Variants in SYNE2 observed in about 807,000 individuals in gnomAD.
SYNE2 encodes spectrin repeat containing nuclear envelope protein 2, also known as nesprin-2.
SYNE2 carries 431 observed loss-of-function variants against 856.3 expected under a neutral mutation model. The observed-to-expected ratio is 0.50, with a 90% confidence interval of 0.47 to 0.55. SYNE2 has a LOEUF of 0.55. SYNE2 is among the 20% of genes least tolerant of loss of function. SYNE2 has a pLI of 0.00. For missense variants in SYNE2, 8,129 were observed against 8,023.2 expected, an observed-to-expected ratio of 1.01 and a Z score of -0.50; for synonymous variants, 2,923 against 2,872.3, an observed-to-expected ratio of 1.02 and a Z score of -0.56.
intron 1 of SYNE2, among the ~76,000 whole-genome samples, chr14:63,808,959 GT>G (rs1228766182): frequency 3.3e-5 from 5 of 152,078 alleles, no homozygotes; most frequent in Non-Finnish European, 7.4e-5. Context: ...GATGGCAGAG[GT>G]TGCAGTGAGC....
chr14:63,932,792 C>T (rs1477459405), intron 2 of SYNE2, among the ~76,000 whole-genome samples: 4 of 152,176 alleles, frequency 2.6e-5, no homozygotes, highest in Admixed American at 2.0e-4. Flanking sequence ...GTGCTGGGTG[C>T]CGGCGTTTCT....
At chr14:64,053,809 C>CAA in intron 48 of SYNE2, 152 bp downstream of exon 48, 4 of 604,568 alleles carry the variant, frequency 6.6e-6, no homozygotes, top group East Asian at 6.4e-5. Context: ...ACTAAAAATA[C>CAA]AAAAAAAAAA....
At chr14:63,956,678 T>C (rs1472015335) in intron 8 of SYNE2, among the ~76,000 whole-genome samples, 1 of 152,196 alleles carries the variant, frequency 6.6e-6, no homozygotes, top group Non-Finnish European at 1.5e-5. Context: ...CAACACTGGA[T>C]TGAAAATATT....
At chr14:63,882,045 A>G (rs2094877850) in intron 1 of SYNE2, among the ~76,000 whole-genome samples, 1 of 152,156 alleles carries the variant, frequency 6.6e-6, no homozygotes, top group Admixed American at 6.5e-5. Flanking sequence ...CTTTGTGTGA[A>G]TTATTTGAGC....
rs1470872320 is a variant in SYNE2 at position 64,218,702 on chromosome 14, T to C, written c.19657+190T>C. 2.6e-5 allele frequency among the ~76,000 whole-genome samples: 4 copies of C among 152,230 alleles called. No homozygotes were observed. The East Asian group carries it at 7.7e-4, about 29-fold the overall frequency. On this transcript the variant is annotated intron_variant, in intron 109 of 115. Coordinates refer to ENST00000555002, the MANE Select transcript of SYNE2 (RefSeq NM_182914.3). Reference sequence around the variant, plus strand: ...GAACAAATTCCTAGGCTGTTCAGTGTAATTTGAAAACTATTCTTTAAATGT... The same window carrying C: ...GAACAAATTCCTAGGCTGTTCAGTGCAATTTGAAAACTATTCTTTAAATGT...
chr14:64,114,520 TC>T (rs2097840051), intron 66 of SYNE2, among the ~76,000 whole-genome samples: 1 of 152,080 alleles, frequency 6.6e-6, no homozygotes, highest in South Asian at 2.1e-4. Flanking sequence ...TTGTGCATTC[TC>T]CCCTTCTATG....
intron 57 of SYNE2, among the ~76,000 whole-genome samples, chr14:64,082,927 C>G (rs2097535172): frequency 6.6e-6 from 1 of 152,182 alleles, no homozygotes; most frequent in Non-Finnish European, 1.5e-5. Context: ...GAGGCCTCGG[C>G]TGCAAAACAT....
chr14:63,994,573 C>T (rs74777676), intron 22 of SYNE2, among the ~76,000 whole-genome samples: 283 of 152,238 alleles, frequency 1.9e-3, no homozygotes, highest in Middle Eastern at 3.4e-3. Flanking sequence ...ATCGTTGATA[C>T]GATTACTGGG....
At chr14:64,020,117 T>C (rs2096925470) in intron 35 of SYNE2, 24 bp downstream of exon 35, 1 of 1,533,662 alleles carries the variant, frequency 6.5e-7, no homozygotes, top group African/African-American at 1.4e-5. Context: ...TTTAAAAGTT[T>C]CAGTTATTGA....
intron 49 of SYNE2, among the ~76,000 whole-genome samples, chr14:64,060,813 T>C (rs2097310944): frequency 6.6e-6 from 1 of 152,150 alleles, no homozygotes; most frequent in South Asian, 2.1e-4. Flanking sequence ...TTGCTGCAAT[T>C]CTAGTTTCAA....
At chr14:63,969,295 A>T (rs2096442002) in intron 11 of SYNE2, among the ~76,000 whole-genome samples, 2 of 149,684 alleles carry the variant, frequency 1.3e-5, no homozygotes, top group South Asian at 2.1e-4. Context: ...TCAGCTCCTG[A>T]ATAGCTGGGA....
rs779545728 is a variant in SYNE2 at position 64,062,806 on chromosome 14, C to T, written c.10123C>T (p.Leu3375Phe). The change falls in exon 50 of 116, where the codon CTC becomes TTC. Residue 3375 changes from leucine to phenylalanine, a missense_variant. Leu to Phe is a conservative substitution (Grantham distance 22). This residue lies in a region of SYNE2 where 5,410 missense variants were observed against 5,284.8 expected (regional missense o/e 1.02). Transcript: ENST00000555002. ...RKMEEDIYTNLSKMETVLGQS... is the reference protein window; with the variant it reads ...RKMEEDIYTNFSKMETVLGQS... ...AATGGAAGAGGATATTTACACTAAC[C>T]TCAGCAAAATGGAGACAGTTCTTGG... is the stretch of plus-strand genomic sequence containing the variant. 3 of 1,613,976 alleles carry T rather than the reference C, an allele frequency of 1.9e-6. No homozygotes were observed. The highest frequency in any genetic ancestry group is 1.6e-4 in the Middle Eastern group (1 of 6,062).
In SYNE2 at chr14:64,053,018, T is replaced by A. The variant is rs1183978377; in HGVS notation, c.9105T>A (p.Ile3035=). The A allele has an allele frequency of 6.2e-7, 1 of 1,612,320 alleles. No homozygotes were observed. Among genetic ancestry groups the A allele is most frequent in the Admixed American group, 1.7e-5 (1 of 59,748 alleles). The part of the protein sequence containing the change: ...FEKEKELEEK[I]KQLDTFEEEH... ...AAGAAAAGGAACTTGAAGAAAAAAT[T>A]AAGCAGTTGGACACATTTGAGGAAG... The change falls in exon 48 of 116, where the codon ATT becomes ATA. Residue 3035 remains isoleucine (I), a synonymous_variant. Coordinates refer to ENST00000555002, the MANE Select transcript of SYNE2 (RefSeq NM_182914.3).
rs1228539994 is a variant in SYNE2 at position 64,128,547 on chromosome 14, G to A, written c.14013G>A (p.Gln4671=). ...NEISGQSVAE[Q]LQKADAYTVE... ...TCAGTGGGCAGAGTGTTGCTGAACA[G>A]CTTCAGGTAATCAAGTCAAAATAAT... Residue 4671 remains glutamine, a synonymous_variant, in exon 74 of 116, where the codon CAG becomes CAA. Coordinates refer to ENST00000555002, the MANE Select transcript of SYNE2 (RefSeq NM_182914.3). 5.0e-6 allele frequency: 8 copies of A among 1,597,078 alleles called. No homozygotes were observed. The highest frequency in any genetic ancestry group is 6.9e-6 in the Non-Finnish European group (8 of 1,164,644).
intron 64 of SYNE2, among the ~76,000 whole-genome samples, chr14:64,105,007 A>G (rs1247173769): frequency 2.0e-5 from 3 of 152,140 alleles, no homozygotes; most frequent in African/African-American, 7.2e-5. Context: ...TTTCTCAGAG[A>G]TAAACTTTGG....
chr14:63,787,710 G>A (rs1479924204), intron 1 of SYNE2, among the ~76,000 whole-genome samples: 2 of 152,146 alleles, frequency 1.3e-5, no homozygotes, highest in African/African-American at 4.8e-5. Context: ...GGCTGAGTTG[G>A]GGGCTTTTAT....
At chr14:64,181,858 CT>C (rs2098459726) in intron 96 of SYNE2, among the ~76,000 whole-genome samples, 1 of 152,172 alleles carries the variant, frequency 6.6e-6, no homozygotes, top group Non-Finnish European at 1.5e-5. Context: ...ATGAAAATTG[CT>C]ACAATGGACA....
chr14:64,022,988 G>A (rs1464475856), intron 38 of SYNE2, 125 bp downstream of exon 38: 5 of 662,986 alleles, frequency 7.5e-6, no homozygotes, highest in Non-Finnish European at 1.4e-5. Flanking sequence ...TAGCATTTTC[G>A]AAGGCTGAGG....
In SYNE2 at chr14:63,961,476, A is replaced by G. The variant is rs1264453455; in HGVS notation, c.788-49A>G. On this transcript the variant is annotated intron_variant, in intron 8 of 115. Coordinates refer to ENST00000555002, the MANE Select transcript of SYNE2 (RefSeq NM_182914.3). ...TGGCATAGCCCATTCTTGAGTATTC[A>G]TTATAGTAAATGTGTAACAGCTAAT... is the stretch of plus-strand genomic sequence containing the variant. 4.7e-6 allele frequency: 7 copies of G among 1,477,562 alleles called. No individual in the cohort carries two copies. In the Admixed American group the frequency reaches 1.2e-4, roughly 26 times the overall value. The allele number at this position is 1,477,562 out of a possible 1,614,324, so 91.5% of individuals were successfully genotyped here.
Sources: gnomAD v4.1 joint callset for allele counts (sites outside exome capture counted in the v4.1 genomes callset) on GRCh38, gnomAD v4.1.1 for gene constraint, gnomAD v4.1.1 regional missense constraint, MANE v1.5 for transcripts, NCBI Gene and HGNC (gene_info 2026-07-23, HGNC 2026-07-21) for gene names.